The following SGPP2 variants were observed in gnomAD, a reference collection of about 807,000 sequenced individuals.
The protein encoded by SGPP2 is sphingosine-1-phosphate phosphatase 2.
Under a neutral mutation model 33.9 loss-of-function variants are expected in SGPP2, and 30 were observed. That is an observed-to-expected ratio of 0.89 (90% CI 0.66 to 1.20). The LOEUF is 1.20. Ranked by LOEUF, SGPP2 falls within the 50% of genes most tolerant of loss-of-function variation. The pLI is 0.00. For missense variants in SGPP2, 458 were observed against 532.1 expected, an observed-to-expected ratio of 0.86 and a Z score of 1.37; for synonymous variants, 233 against 225.0, an observed-to-expected ratio of 1.04 and a Z score of -0.32.
At chr2:222,455,738 C>T (rs1285911615) in intron 1 of SGPP2, among the ~76,000 whole-genome samples, 1 of 152,150 alleles carries the variant, frequency 6.6e-6, no homozygotes, top group Non-Finnish European at 1.5e-5. Context: ...TGGGATATAA[C>T]TCACATACAA....
At chr2:222,459,127 T>A (rs1361020638) in intron 1 of SGPP2, among the ~76,000 whole-genome samples, 1 of 131,626 alleles carries the variant, frequency 7.6e-6, no homozygotes, top group Non-Finnish European at 1.7e-5. Context: ...CTTTTTTTTC[T>A]TTCTTTCTTT....
intron 2 of SGPP2, among the ~76,000 whole-genome samples, chr2:222,489,381 A>T (rs1698162532): frequency 6.6e-6 from 1 of 152,052 alleles, no homozygotes; most frequent in Non-Finnish European, 1.5e-5. Flanking sequence ...GCCAGCAAGG[A>T]CTGTATGTTG....
intron 1 of SGPP2, among the ~76,000 whole-genome samples, chr2:222,453,702 G>A (rs1697527865): frequency 6.6e-6 from 1 of 152,082 alleles, no homozygotes; most frequent in Admixed American, 6.5e-5. Context: ...AGTATATAAT[G>A]CATAGAACAT....
At chr2:222,554,822 T>C (rs1276604238) in intron 4 of SGPP2, among the ~76,000 whole-genome samples, 1 of 152,228 alleles carries the variant, frequency 6.6e-6, no homozygotes, top group East Asian at 1.9e-4. Flanking sequence ...ACCAGCTTTT[T>C]AGTTTTTCTT....
At chr2:222,445,183 G>A (rs1212960511) in intron 1 of SGPP2, among the ~76,000 whole-genome samples, 2 of 152,196 alleles carry the variant, frequency 1.3e-5, no homozygotes, top group Non-Finnish European at 2.9e-5. Context: ...GCTGAACTTG[G>A]TGGACCTCCT....
intron 4 of SGPP2, among the ~76,000 whole-genome samples, chr2:222,552,571 A>T (rs1689312484): frequency 6.6e-6 from 1 of 152,114 alleles, no homozygotes; most frequent in Non-Finnish European, 1.5e-5. Context: ...TCACTAGAGA[A>T]TTACTCAAGC....
chr2:222,442,930 T>C (rs1697348027), intron 1 of SGPP2, among the ~76,000 whole-genome samples: 1 of 152,220 alleles, frequency 6.6e-6, no homozygotes, highest in Non-Finnish European at 1.5e-5. Flanking sequence ...GGAGCCTCGC[T>C]GAACAAACCT....
chr2:222,459,742 T>C (rs1183048183), intron 1 of SGPP2, among the ~76,000 whole-genome samples: 1 of 152,100 alleles, frequency 6.6e-6, no homozygotes. Flanking sequence ...CTGTGAGGAC[T>C]TTGTACATTT....
chr2:222,489,691 T>G (rs746981352), intron 2 of SGPP2, among the ~76,000 whole-genome samples: 5 of 152,082 alleles, frequency 3.3e-5, no homozygotes, highest in Admixed American at 6.6e-5. Context: ...GTGGGCGGTG[T>G]GCGGTGACTT....
intron 4 of SGPP2, among the ~76,000 whole-genome samples, chr2:222,528,019 A>G (rs1420875229): frequency 6.6e-6 from 1 of 152,152 alleles, no homozygotes; most frequent in Non-Finnish European, 1.5e-5. Context: ...ACATGATGAT[A>G]TAGTTAGGAT....
chr2:222,560,879 G>T lies in SGPP2; in HGVS notation c.*1981G>T, dbSNP rs907797381. The T allele has an allele frequency of 1.4e-4, 22 of 152,162 alleles. No individual in the cohort carries two copies. The highest frequency in any genetic ancestry group is 4.8e-4 in the African/African-American group (20 of 41,426). 9.4% of individuals were successfully genotyped at this position (152,162 alleles called of 1,614,324 possible). The stretch of plus-strand genomic sequence containing the variant: ...TCCCAGCACTTTGGGAGGCCGAGGT[G>T]GGCGGACCACGAGGTCAGGAGATCG... On this transcript the variant is annotated 3_prime_UTR_variant, in exon 5 of 5. Transcript: ENST00000321276.
rs372371835 is a variant in SGPP2 at position 222,478,178 on chromosome 2, G to A, written c.378+3452G>A. 4.6e-4 allele frequency among the ~76,000 whole-genome samples: 63 copies of A among 137,004 alleles called. 1 individual carries two copies. The highest frequency in any genetic ancestry group is 1.9e-3 in the African/African-American group (61 of 32,382). The allele number at this position is 137,004 out of a possible 152,430, so 89.9% of individuals were successfully genotyped here. ...GGAGGCCATTCCAAGGGGCGAGAGGGAGAGAGGGAGAGAGGGAGGGAGGGA... is the reference window on the plus strand; with the variant it reads ...GGAGGCCATTCCAAGGGGCGAGAGGAAGAGAGGGAGAGAGGGAGGGAGGGA... On this transcript the variant is annotated intron_variant, in intron 2 of 4. Coordinates refer to ENST00000321276, the MANE Select transcript of SGPP2 (RefSeq NM_152386.4).
chr2:222,433,205 G>GCTAGAGGAA (rs1407814610), intron 1 of SGPP2, among the ~76,000 whole-genome samples: 57 of 152,234 alleles, frequency 3.7e-4, no homozygotes, highest in Admixed American at 3.7e-3. Context: ...AGCATGAGAA[G>GCTAGAGGAA]CTAGAGGAAC....
chr2:222,491,441 G>T (rs1347222121), intron 2 of SGPP2, among the ~76,000 whole-genome samples: 1 of 152,186 alleles, frequency 6.6e-6, no homozygotes, highest in Non-Finnish European at 1.5e-5. Context: ...TCACAATCAT[G>T]GAGGAAGGGG....
In SGPP2 at chr2:222,562,603, T is replaced by C. The variant is rs1292150613; in HGVS notation, c.*3705T>C. ...ATCACTTTTATTTGATTTTGACTTA[T>C]TAAATGCTTTAAAAGCCAGTGTTCT... On this transcript the variant is annotated 3_prime_UTR_variant, in exon 5 of 5. Coordinates refer to ENST00000321276, the MANE Select transcript of SGPP2 (RefSeq NM_152386.4). Among the ~76,000 whole-genome samples the C allele has an allele frequency of 6.6e-6, 1 of 152,270 alleles. No homozygotes were observed. The highest frequency in any genetic ancestry group is 6.5e-5 in the Admixed American group (1 of 15,286).
chr2:222,498,544 G>A (rs758649234), intron 2 of SGPP2: 10 of 151,164 alleles, frequency 6.6e-5, no homozygotes, highest in Non-Finnish European at 1.0e-4. Flanking sequence ...GTTGTATTCC[G>A]AACATTTAAA....
chr2:222,448,466 G>A (rs1385372636), intron 1 of SGPP2, among the ~76,000 whole-genome samples: 1 of 152,210 alleles, frequency 6.6e-6, no homozygotes, highest in African/African-American at 2.4e-5. Context: ...ACTTGTTGGT[G>A]CATAAACATG....
intron 4 of SGPP2, among the ~76,000 whole-genome samples, chr2:222,549,030 T>G (rs1689248945): frequency 1.3e-5 from 2 of 152,250 alleles, no homozygotes; most frequent in African/African-American, 4.8e-5. Flanking sequence ...TACAAAGCAT[T>G]CGCAGCATCT....
chr2:222,502,664 C>T (rs1176228284), intron 2 of SGPP2, among the ~76,000 whole-genome samples: 2 of 152,164 alleles, frequency 1.3e-5, no homozygotes, highest in African/African-American at 4.8e-5. Flanking sequence ...TGATTTCTAA[C>T]ATCTAAATGG....
Sources: gnomAD v4.1 joint callset for allele counts (sites outside exome capture counted in the v4.1 genomes callset) on GRCh38, gnomAD v4.1.1 for gene constraint, MANE v1.5 for transcripts, NCBI Gene and HGNC (gene_info 2026-07-23, HGNC 2026-07-21) for gene names.